The following PCSK5 variants were observed in gnomAD, a reference collection of about 807,000 sequenced individuals.
PCSK5 encodes the protein prohormone convertase 5.
Under a neutral mutation model 233.2 loss-of-function variants are expected in PCSK5, and 129 were observed. The ratio of observed to expected loss-of-function variants is 0.55; its 90% CI spans 0.48 to 0.64. PCSK5 has a LOEUF of 0.64. Ranked by LOEUF, PCSK5 falls within the 30% of genes least tolerant of loss-of-function variation. The probability of loss-of-function intolerance (pLI) is 0.00; values close to 1 mark genes in which losing one functional copy is unlikely to be tolerated. For synonymous variants in PCSK5, 825 were observed against 879.2 expected, an observed-to-expected ratio of 0.94 and a Z score of 1.09; for missense variants, 2,076 against 2,430.1, an observed-to-expected ratio of 0.85 and a Z score of 3.06.
intron 2 of PCSK5, among the ~76,000 whole-genome samples, chr9:75,967,470 G>A (rs544992184): frequency 7.6e-4 from 115 of 152,246 alleles, no homozygotes; most frequent in African/African-American, 2.6e-3. Flanking sequence ...GCGTGTATGT[G>A]GAGAGCAACA....
chr9:76,126,012 G>C (rs147284708), intron 9 of PCSK5, among the ~76,000 whole-genome samples: 1 of 152,300 alleles, frequency 6.6e-6, no homozygotes, highest in Admixed American at 6.5e-5. Flanking sequence ...ATTCTGGAAA[G>C]ATAGCATTTT....
At chr9:76,219,979 T>C (rs1825671480) in intron 20 of PCSK5, among the ~76,000 whole-genome samples, 1 of 151,962 alleles carries the variant, frequency 6.6e-6, no homozygotes, top group Admixed American at 6.6e-5. Context: ...CAGCCACAAA[T>C]AGAGGAGACA....
At chr9:75,967,745 G>A (rs373023101) in intron 2 of PCSK5, among the ~76,000 whole-genome samples, 4 of 142,476 alleles carry the variant, frequency 2.8e-5, no homozygotes, top group East Asian at 2.1e-4. Flanking sequence ...GGCTGTGAGC[G>A]CCTCAAGGGC....
At chr9:75,919,270 A>T (rs1014190373) in intron 1 of PCSK5, among the ~76,000 whole-genome samples, 1 of 152,196 alleles carries the variant, frequency 6.6e-6, no homozygotes, top group Non-Finnish European at 1.5e-5. Context: ...TCTGAGATTC[A>T]TCCTTGATTA....
chr9:76,141,291 G>A (rs1315884934), intron 10 of PCSK5, among the ~76,000 whole-genome samples: 1 of 151,906 alleles, frequency 6.6e-6, no homozygotes, highest in Non-Finnish European at 1.5e-5. Flanking sequence ...TCTTTTTACA[G>A]CCTATTTTAA....
At chr9:76,160,191 A>G in intron 12 of PCSK5, among the ~76,000 whole-genome samples, 1 of 152,094 alleles carries the variant, frequency 6.6e-6, no homozygotes, top group East Asian at 1.9e-4. Flanking sequence ...TGCTTCCTCC[A>G]AAACACTTCC....
At chr9:76,239,271 C>T in intron 23 of PCSK5, 106 bp downstream of exon 23, 1 of 919,460 alleles carries the variant, frequency 1.1e-6, no homozygotes, top group South Asian at 1.6e-5. Context: ...CATGTCAGCA[C>T]TTGGGATGAT....
Position 76,289,520 on chromosome 9 carries a change from ACACAC to A in PCSK5, c.3143-2712_3143-2708del, listed in dbSNP as rs1828213617. 1.2e-3 allele frequency among the ~76,000 whole-genome samples: 83 copies of A among 68,874 alleles called. 1 individual carries two copies. The highest frequency in any genetic ancestry group is 6.3e-3 in the East Asian group (24 of 3,808). 45.2% of individuals were successfully genotyped at this position (68,874 alleles called of 152,430 possible). On this transcript the variant is annotated intron_variant, in intron 24 of 37. Coordinates refer to ENST00000674117, the MANE Select transcript of PCSK5 (RefSeq NM_001372043.1). Reference sequence around the variant, plus strand: ...ACACACACACACACACGCAACATACACACACACACACACACACACACACACACTAG... The same window carrying A: ...ACACACACACACACACGCAACATACAACACACACACACACACACACACTAG...
At chr9:76,020,579 C>A (rs529166794) in intron 3 of PCSK5, among the ~76,000 whole-genome samples, 3 of 152,258 alleles carry the variant, frequency 2.0e-5, no homozygotes, top group African/African-American at 7.2e-5. Flanking sequence ...TTGGATATTT[C>A]TTCTTTTTCA....
At chr9:75,903,443 T>C (rs1186304579) in intron 1 of PCSK5, among the ~76,000 whole-genome samples, 2 of 151,434 alleles carry the variant, frequency 1.3e-5, no homozygotes, top group Admixed American at 6.6e-5. Context: ...CATGCCAGCA[T>C]TGAACCTAGT....
intron 10 of PCSK5, among the ~76,000 whole-genome samples, chr9:76,142,116 T>C (rs1050371945): frequency 3.3e-5 from 5 of 151,784 alleles, no homozygotes; most frequent in Non-Finnish European, 7.4e-5. Context: ...GCATATGTAC[T>C]CCTAAACCTA....
At chr9:76,175,221 GAAAT>G (rs774240625) in intron 14 of PCSK5, 92 bp downstream of exon 14, 370 of 534,610 alleles carry the variant, frequency 6.9e-4, no homozygotes, top group Non-Finnish European at 9.1e-4. Flanking sequence ...GGAATGGAAT[GAAAT>G]GGAATGGAAT....
At chr9:76,012,395 C>A (rs1587496391) in intron 3 of PCSK5, among the ~76,000 whole-genome samples, 1 of 152,092 alleles carries the variant, frequency 6.6e-6, no homozygotes, top group East Asian at 1.9e-4. Context: ...TGGCTTTATC[C>A]CCAGTGGACA....
At position 76,198,758 on chromosome 9, in the gene PCSK5, T is replaced by G. The variant is rs80308384; in HGVS notation, c.2626+9012T>G. Among the ~76,000 whole-genome samples, 333 of 152,314 alleles carry G rather than the reference T, an allele frequency of 2.2e-3. 2 individuals carry two copies. Among genetic ancestry groups the G allele is most frequent in the East Asian group, 0.022 (113 of 5,184 alleles). The stretch of plus-strand genomic sequence containing the variant: ...AGGTTCTGAGTGTTCTCTTGCCCTC[T>G]TCAAACTTATAGTCTAATGAGGGAA... On this transcript the variant is annotated intron_variant, in intron 20 of 37. Coordinates refer to ENST00000674117, the MANE Select transcript of PCSK5 (RefSeq NM_001372043.1).
chr9:76,004,151 G>A (rs1827380078), intron 3 of PCSK5, among the ~76,000 whole-genome samples: 1 of 152,066 alleles, frequency 6.6e-6, no homozygotes, highest in Admixed American at 6.6e-5. Context: ...CTTATTGCAG[G>A]AATGGGAAAC....
chr9:76,362,820 AC>A lies in PCSK5; in HGVS notation c.*3903del, dbSNP rs1213040087. ...TGGTGCATGCAGTCCCCAGTCACGT[AC>A]CCCCTGCTTGCTCAATCGATCATGA... On this transcript the variant is annotated 3_prime_UTR_variant, in exon 38 of 38. Transcript: ENST00000674117. 1.3e-5 allele frequency among the ~76,000 whole-genome samples: 2 copies of A among 151,652 alleles called. No individual in the cohort carries two copies. Among genetic ancestry groups the A allele is most frequent in the Non-Finnish European group, 2.9e-5 (2 of 67,942 alleles).
At chr9:76,178,591 C>T (rs1027835409) in intron 14 of PCSK5, among the ~76,000 whole-genome samples, 7 of 152,186 alleles carry the variant, frequency 4.6e-5, no homozygotes, top group African/African-American at 1.7e-4. Context: ...AATTATGAAA[C>T]ATAGTCCCAT....
chr9:76,013,261 G>A (rs1304892768), intron 3 of PCSK5, among the ~76,000 whole-genome samples: 3 of 152,104 alleles, frequency 2.0e-5, no homozygotes, highest in Non-Finnish European at 2.9e-5. Flanking sequence ...TCTTGGAGGG[G>A]CCAAGACTAT....
intron 2 of PCSK5, among the ~76,000 whole-genome samples, chr9:75,950,147 G>T (rs1450876184): frequency 7.9e-6 from 1 of 126,624 alleles, no homozygotes; most frequent in East Asian, 2.5e-4. Flanking sequence ...GTGTGTGTGG[G>T]GGGGGCGGGG....
Sources: gnomAD v4.1 joint callset for allele counts (sites outside exome capture counted in the v4.1 genomes callset) on GRCh38, gnomAD v4.1.1 for gene constraint, MANE v1.5 for transcripts, NCBI Gene and HGNC (gene_info 2026-07-23, HGNC 2026-07-21) for gene names.